The following ZNF532 variants were observed in gnomAD, a reference collection of about 807,000 sequenced individuals.
ZNF532 encodes the protein zinc finger protein 532.
ZNF532 carries 22 observed loss-of-function variants against 89.3 expected under a neutral mutation model. The ratio of observed to expected loss-of-function variants is 0.25; its 90% CI spans 0.18 to 0.35. The LOEUF (loss-of-function observed/expected upper bound fraction) is 0.35, where lower values mean the gene tolerates loss of function less well. ZNF532 is among the 10% of genes least tolerant of loss of function. The pLI is 1.00. For missense variants in ZNF532, 1,132 were observed against 1,643.4 expected (o/e 0.69, Z 5.38); for synonymous variants, 606 against 649.6 (o/e 0.93, Z 1.02).
At chr18:58,980,187 T>C (rs1465294289) in intron 8 of ZNF532, 2 of 152,234 alleles carry the variant, frequency 1.3e-5, no homozygotes, top group Non-Finnish European at 2.9e-5. Flanking sequence ...AGGAATCATC[T>C]GATTCAGTGA....
intron 2 of ZNF532, among the ~76,000 whole-genome samples, chr18:58,884,095 T>C (rs1316314590): frequency 6.6e-6 from 1 of 152,230 alleles, no homozygotes; most frequent in African/African-American, 2.4e-5. Flanking sequence ...ATTTAAAAAC[T>C]TGGCCGGGCA....
rs1454488348 is a variant in ZNF532, at chr18:58,984,467, C to T, written c.*1C>T. On this transcript the variant is annotated 3_prime_UTR_variant, in exon 10 of 10. Coordinates refer to ENST00000591808, the MANE Select transcript of ZNF532 (RefSeq NM_001375912.1). ...AAGGATGAGCTCAGCCGAGAAATAG[C>T]CACAGATGCTCCATGAGGAAAATCC... 6.2e-7 allele frequency: 1 copy of T among 1,605,140 alleles called. No homozygotes were observed. Among genetic ancestry groups the T allele is most frequent in the South Asian group, 1.1e-5 (1 of 90,518 alleles).
chr18:58,922,725 C>T (rs2061213341), intron 3 of ZNF532, among the ~76,000 whole-genome samples: 1 of 152,148 alleles, frequency 6.6e-6, no homozygotes, highest in South Asian at 2.1e-4. Flanking sequence ...TGCTGGTGGG[C>T]TGTGTAGAGC....
intron 2 of ZNF532, among the ~76,000 whole-genome samples, chr18:58,911,109 G>T (rs576942444): frequency 3.3e-5 from 5 of 152,310 alleles, no homozygotes; most frequent in Non-Finnish European, 5.9e-5. Flanking sequence ...ATACTGGGAG[G>T]AGCAGGATAT....
chr18:58,949,440 T>G (rs1277241755), intron 6 of ZNF532, among the ~76,000 whole-genome samples: 1 of 152,246 alleles, frequency 6.6e-6, no homozygotes, highest in Non-Finnish European at 1.5e-5. Context: ...GGCTTACACC[T>G]GTAATCCCAG....
chr18:58,914,000 T>G (rs1057174054), intron 2 of ZNF532, among the ~76,000 whole-genome samples: 2 of 152,254 alleles, frequency 1.3e-5, no homozygotes, highest in Non-Finnish European at 2.9e-5. Context: ...ACTGACATTC[T>G]CTAATTGGAA....
At chr18:58,921,218 T>C (rs2061053595) in intron 3 of ZNF532, among the ~76,000 whole-genome samples, 1 of 152,222 alleles carries the variant, frequency 6.6e-6, no homozygotes, top group African/African-American at 2.4e-5. Context: ...AATCGTTTGG[T>C]CATTGGAATG....
chr18:58,905,912 C>T (rs2059906343), intron 2 of ZNF532, among the ~76,000 whole-genome samples: 1 of 152,138 alleles, frequency 6.6e-6, no homozygotes, highest in Non-Finnish European at 1.5e-5. Flanking sequence ...GTAAGGAATA[C>T]TGGTCAGGGA....
rs140342834 is a variant in ZNF532 at position 58,922,011 on chromosome 18, G to T, written c.2346+1378G>T. Among the ~76,000 whole-genome samples the T allele has an allele frequency of 2.5e-3, 375 of 152,204 alleles. 1 individual carries two copies. The highest frequency in any genetic ancestry group is 0.011 in the Admixed American group (164 of 15,282). On this transcript the variant is annotated intron_variant, in intron 3 of 9. Coordinates refer to ENST00000591808, the MANE Select transcript of ZNF532 (RefSeq NM_001375912.1). ...GGTCCCAGCTACTTGGGAGGCTGAG[G>T]TGGGAAGATCAGTTGAGCCTGAGAG...
At chr18:58,955,281 A>G (rs2064653480) in intron 7 of ZNF532, among the ~76,000 whole-genome samples, 1 of 152,144 alleles carries the variant, frequency 6.6e-6, no homozygotes, top group African/African-American at 2.4e-5. Context: ...ACAAAAGAAT[A>G]TGTCATAGGT....
At position 58,888,891 on chromosome 18, in the gene ZNF532, T is replaced by TATA. The variant is rs1272147896; in HGVS notation, c.-18+23312_-18+23313insATA. On this transcript the variant is annotated intron_variant, in intron 2 of 9. Coordinates refer to ENST00000591808, the MANE Select transcript of ZNF532 (RefSeq NM_001375912.1). ...ATAATATATATTATATATATATATT[T>TATA]TATATATATATATATATATATAATT... Among the ~76,000 whole-genome samples, 8 of 37,276 alleles carry TATA rather than the reference T, an allele frequency of 2.1e-4. 1 individual carries two copies. The East Asian group carries it at 9.5e-3, about 44-fold the overall frequency. The allele number at this position is 37,276 out of a possible 152,430, so 24.5% of individuals were successfully genotyped here.
rs781386831 is a variant in ZNF532 at position 58,919,547 on chromosome 18, C to T, written c.1260C>T (p.Pro420=). 5.0e-6 allele frequency: 8 copies of T among 1,614,240 alleles called. No individual in the cohort carries two copies. Among genetic ancestry groups the T allele is most frequent in the East Asian group, 4.5e-5 (2 of 44,884 alleles). ...PASAAVLSSP[P]RAPLQSAVVT... Reference sequence around the variant, plus strand: ...CAGCCGCCGTCCTTTCCTCTCCCCCCAGGGCGCCTCTCCAGTCTGCGGTCG... The same window carrying T: ...CAGCCGCCGTCCTTTCCTCTCCCCCTAGGGCGCCTCTCCAGTCTGCGGTCG... The change falls in exon 3 of 10, where the codon CCC becomes CCT. Residue 420 remains proline (P), a synonymous_variant. Coordinates refer to ENST00000591808, the MANE Select transcript of ZNF532 (RefSeq NM_001375912.1). The surrounding 1 kb of genome is among the most constrained non-coding windows in gnomAD (Gnocchi z 6.1).
intron 2 of ZNF532, among the ~76,000 whole-genome samples, chr18:58,914,541 G>A (rs2060475800): frequency 6.6e-6 from 1 of 152,166 alleles, no homozygotes. Flanking sequence ...TTAGCCAGAT[G>A]TGGTGGCAGG....
chr18:58,906,050 G>C (rs1469175265), intron 2 of ZNF532, among the ~76,000 whole-genome samples: 1 of 152,300 alleles, frequency 6.6e-6, no homozygotes, highest in South Asian at 2.1e-4. Flanking sequence ...GGGACATACT[G>C]TCCGTGTAAC....
chr18:58,905,576 T>A (rs923203808), intron 2 of ZNF532, among the ~76,000 whole-genome samples: 4 of 152,110 alleles, frequency 2.6e-5, no homozygotes, highest in African/African-American at 9.7e-5. Context: ...AATTTTGTAT[T>A]TTTTGTAGAG....
At chr18:58,945,511 A>G (rs2063569952) in intron 5 of ZNF532, among the ~76,000 whole-genome samples, 1 of 152,182 alleles carries the variant, frequency 6.6e-6, no homozygotes, top group African/African-American at 2.4e-5. Context: ...AATGATAGCT[A>G]CGTAAATAGA....
intron 2 of ZNF532, chr18:58,896,708 A>T (rs960715123): frequency 2.6e-5 from 4 of 152,124 alleles, no homozygotes; most frequent in Non-Finnish European, 5.9e-5. Context: ...ACCACCTCAG[A>T]TCTTTCTGTA....
At chr18:58,872,659 G>A (rs1286518981) in intron 2 of ZNF532, among the ~76,000 whole-genome samples, 2 of 151,080 alleles carry the variant, frequency 1.3e-5, no homozygotes, top group East Asian at 1.9e-4. Flanking sequence ...GCCCAAGACC[G>A]CATTCATCAT....
intron 6 of ZNF532, among the ~76,000 whole-genome samples, chr18:58,949,175 G>C (rs1243882826): frequency 1.3e-5 from 2 of 152,048 alleles, no homozygotes; most frequent in African/African-American, 4.8e-5. Flanking sequence ...ACCCCCAAAA[G>C]GGGCACAGAA....
Sources: allele counts gnomAD v4.1 joint callset (sites outside exome capture counted in the v4.1 genomes callset), GRCh38; gene constraint gnomAD v4.1.1; non-coding constraint Gnocchi (gnomAD v3.1); transcripts MANE v1.5; gene names NCBI Gene and HGNC (gene_info 2026-07-23, HGNC 2026-07-21).